Variants in ETFBKMT observed in about 807,000 individuals in gnomAD.
The protein encoded by ETFBKMT is electron transfer flavoprotein subunit beta lysine methyltransferase.
A neutral mutation model predicts 18.3 loss-of-function variants in ETFBKMT; 13 were observed. That is an observed-to-expected ratio of 0.71 (90% CI 0.46 to 1.13). The LOEUF (loss-of-function observed/expected upper bound fraction) is 1.13. Ranked by LOEUF, ETFBKMT falls within the 50% of genes most tolerant of loss-of-function variation. The probability of loss-of-function intolerance (pLI) is 0.00; values close to 1 mark genes in which losing one functional copy is unlikely to be tolerated. For missense variants in ETFBKMT, 293 were observed against 306.2 expected, an observed-to-expected ratio of 0.96 and a Z score of 0.32; for synonymous variants, 84 against 107.9, an observed-to-expected ratio of 0.78 and a Z score of 1.37.
In ETFBKMT at chr12:31,669,001, G is replaced by A. The variant is rs1592140051; in HGVS notation, c.*1011G>A. 1 of 152,198 alleles carries A rather than the reference G, an allele frequency of 6.6e-6. No individual in the cohort carries two copies. The highest frequency in any genetic ancestry group is 3.4e-3 in the Middle Eastern group (1 of 294). 9.4% of individuals were successfully genotyped at this position (152,198 alleles called of 1,614,324 possible). Reference sequence around the variant, plus strand: ...CTGATGCTTGTTTTCTTTTCAGACTGTTTTTTTGTCTTTTAGCATGCCTTG... The same window carrying A: ...CTGATGCTTGTTTTCTTTTCAGACTATTTTTTTGTCTTTTAGCATGCCTTG... On this transcript the variant is annotated 3_prime_UTR_variant, in exon 4 of 4. Transcript: ENST00000357721.
Position 31,672,779 on chromosome 12 carries a change from T to C in ETFBKMT, c.*4789T>C, listed in dbSNP as rs527860593. Reference sequence around the variant, plus strand: ...GAACAGCATTTAATGAAGGGAATATTTACCAAAAAAGTAGGATTAAAGAAA... The same window carrying C: ...GAACAGCATTTAATGAAGGGAATATCTACCAAAAAAGTAGGATTAAAGAAA... On this transcript the variant is annotated 3_prime_UTR_variant, in exon 4 of 4. Transcript: ENST00000357721. The C allele has an allele frequency of 7.3e-4, 123 of 167,412 alleles. No individual in the cohort carries two copies. Among genetic ancestry groups the C allele is most frequent in the Middle Eastern group, 3.1e-3 (1 of 326 alleles). 10.4% of individuals were successfully genotyped at this position (167,412 alleles called of 1,614,324 possible). A position where few individuals can be genotyped will look rare whatever the true frequency, so the allele number is the denominator to read the frequency against.
intron 2 of ETFBKMT, among the ~76,000 whole-genome samples, chr12:31,663,334 G>A (rs918032792): frequency 2.0e-5 from 3 of 151,832 alleles, no homozygotes; most frequent in Non-Finnish European, 4.4e-5. Context: ...CTCGTGATCC[G>A]CCCTCCTCGG....
intron 3 of ETFBKMT, among the ~76,000 whole-genome samples, chr12:31,667,139 C>G (rs1487984227): frequency 6.6e-6 from 1 of 152,030 alleles, no homozygotes; most frequent in Non-Finnish European, 1.5e-5. Flanking sequence ...GGATTACAGG[C>G]ATGCACCACC....
At chr12:31,650,642 T>TTTTTTTTTTTTTTG (rs1555182738) in intron 1 of ETFBKMT, among the ~76,000 whole-genome samples, 1 of 150,646 alleles carries the variant, frequency 6.6e-6, no homozygotes, top group Non-Finnish European at 1.5e-5. Flanking sequence ...TTTTTTTTTT[T>TTTTTTTTTTTTTTG]AAAGAATCAC....
chr12:31,666,311 T>C (rs1951195969), intron 3 of ETFBKMT, 94 bp downstream of exon 3: 15 of 1,330,598 alleles, frequency 1.1e-5, no homozygotes, highest in South Asian at 1.4e-5. Context: ...CTTATCGTTA[T>C]ATGTATTTTG....
intron 1 of ETFBKMT, among the ~76,000 whole-genome samples, chr12:31,652,885 A>G (rs1002753030): frequency 1.3e-5 from 2 of 152,252 alleles, no homozygotes; most frequent in Admixed American, 1.3e-4. Flanking sequence ...ATGACCAATG[A>G]TAAGTATTTC....
In ETFBKMT at chr12:31,661,989, C is replaced by A; in HGVS notation, c.36C>A (p.Asn12Lys). 3 of 1,614,180 alleles carry A rather than the reference C, an allele frequency of 1.9e-6. No homozygotes were observed. Among genetic ancestry groups the A allele is most frequent in the Non-Finnish European group, 1.7e-6 (2 of 1,180,030 alleles). The change falls in exon 2 of 4, where the codon AAC becomes AAA. Residue 12 changes from asparagine (N) to lysine (K), a missense_variant. Transcript: ENST00000357721. The stretch of plus-strand genomic sequence containing the variant: ...GTCTAGGTTGGAAAGCACACAGGAA[C>A]CACTGTGGTCTCCTCTTGCAGGCTC... Reference protein sequence around the residue: ...ALSLGWKAHRNHCGLLLQALR... With the variant: ...ALSLGWKAHRKHCGLLLQALR...
chr12:31,655,074 C>CAA (rs36084463), upstream of ETFBKMT, among the ~76,000 whole-genome samples: 28 of 147,274 alleles, frequency 1.9e-4, 1 homozygote, highest in South Asian at 2.4e-3. Flanking sequence ...AACAAACAAA[C>CAA]AAAAAAACAG....
intron 3 of ETFBKMT, among the ~76,000 whole-genome samples, chr12:31,667,145 C>T (rs867172595): frequency 1.3e-5 from 2 of 152,098 alleles, no homozygotes; most frequent in Admixed American, 6.6e-5. Flanking sequence ...CAGGCATGCA[C>T]CACCATGCCC....
chr12:31,666,892 C>T (rs1404029280), intron 3 of ETFBKMT, among the ~76,000 whole-genome samples: 10 of 151,938 alleles, frequency 6.6e-5, no homozygotes, highest in African/African-American at 1.4e-4. Context: ...CTCCTGACCT[C>T]GTGATCTGCC....
chr12:31,662,431 C>CT (rs1173008661), intron 2 of ETFBKMT, among the ~76,000 whole-genome samples, 164 bp downstream of exon 2: 3 of 152,044 alleles, frequency 2.0e-5, no homozygotes, highest in South Asian at 2.1e-4. Context: ...CCACTGCACT[C>CT]TCGCCTGGCC....
chr12:31,651,057 G>T (rs1270125949), intron 1 of ETFBKMT, among the ~76,000 whole-genome samples: 4 of 152,124 alleles, frequency 2.6e-5, no homozygotes, highest in African/African-American at 9.7e-5. Context: ...ATTCAGAAGG[G>T]ACGTGGAGAA....
intron 1 of ETFBKMT, among the ~76,000 whole-genome samples, chr12:31,650,177 A>AG (rs1951004397): frequency 6.7e-6 from 1 of 148,630 alleles, no homozygotes; most frequent in Non-Finnish European, 1.5e-5. Context: ...ATGAGATAGG[A>AG]GGTCGCTGTA....
chr12:31,664,616 CTTTT>C (rs59300091), intron 2 of ETFBKMT, among the ~76,000 whole-genome samples: 2 of 133,016 alleles, frequency 1.5e-5, no homozygotes. Context: ...CTTTTTCTTT[CTTTT>C]TTTTTTTTTT....
At chr12:31,666,791 T>C (rs1236667071) in intron 3 of ETFBKMT, among the ~76,000 whole-genome samples, 4 of 148,672 alleles carry the variant, frequency 2.7e-5, no homozygotes, top group Admixed American at 1.3e-4. Context: ...GCTGGGACTA[T>C]AGGTGCCTGC....
In ETFBKMT at chr12:31,672,592, G is replaced by GT. The variant is rs1487726779; in HGVS notation, c.*4605dup. 2 of 351,672 alleles carry GT rather than the reference G, an allele frequency of 5.7e-6. No homozygotes were observed. The highest frequency in any genetic ancestry group is 4.4e-5 in the Admixed American group (1 of 22,734). 21.8% of individuals were successfully genotyped at this position (351,672 alleles called of 1,614,324 possible). ...TAGTGCACCTATCATGGTATTACTT[G>GT]TTTAAAAAAAAAAAACAGGCATTTG... On this transcript the variant is annotated 3_prime_UTR_variant, in exon 4 of 4. Transcript: ENST00000357721.
In ETFBKMT at chr12:31,648,781, T is replaced by G. The variant is rs529012714; in HGVS notation, c.-114+1526T>G. Among the ~76,000 whole-genome samples, 21 of 152,092 alleles carry G rather than the reference T, an allele frequency of 1.4e-4. No individual in the cohort carries two copies. In the East Asian group the frequency reaches 3.3e-3, roughly 24 times the overall value. ...TTTCACCATGTTAGCCAGGATGGTC[T>G]CGATCTCCTGACCTTGTGATCTGCC... On this transcript the variant is annotated intron_variant, in intron 1 of 3. Coordinates refer to the ETFBKMT transcript ENST00000412352.
chr12:31,656,704 G>A (rs1317816942), upstream of ETFBKMT, among the ~76,000 whole-genome samples: 2 of 152,048 alleles, frequency 1.3e-5, no homozygotes, highest in African/African-American at 2.4e-5. Context: ...CATCCCTATC[G>A]CAGTTACCTT....
chr12:31,648,378 T>C (rs199743323), intron 1 of ETFBKMT, among the ~76,000 whole-genome samples: 1 of 118,218 alleles, frequency 8.5e-6, no homozygotes, highest in Non-Finnish European at 1.9e-5. Flanking sequence ...TTTTTTTTTT[T>C]TGAGATGGAG....
Sources: allele counts gnomAD v4.1 joint callset (sites outside exome capture counted in the v4.1 genomes callset), GRCh38; gene constraint gnomAD v4.1.1; transcripts MANE v1.5; gene names NCBI Gene and HGNC (gene_info 2026-07-23, HGNC 2026-07-21).